Variants in TAF4B observed in about 807,000 individuals in gnomAD.
TAF4B encodes the protein TATA-box binding protein associated factor 4b.
Under a neutral mutation model 86.4 loss-of-function variants are expected in TAF4B, and 38 were observed. The observed-to-expected ratio is 0.44, with a 90% CI of 0.34 to 0.58. TAF4B has a LOEUF of 0.58. TAF4B is among the 20% of genes least tolerant of loss of function. The pLI, the probability that TAF4B is intolerant of heterozygous loss-of-function variation, is 0.02. For missense variants in TAF4B, 988 were observed against 1,027.6 expected, an observed-to-expected ratio of 0.96 and a Z score of 0.53; for synonymous variants, 388 against 391.2, an observed-to-expected ratio of 0.99 and a Z score of 0.10.
At chr18:26,243,405 T>C (rs1598716529) in intron 1 of TAF4B, among the ~76,000 whole-genome samples, 2 of 152,328 alleles carry the variant, frequency 1.3e-5, no homozygotes, top group African/African-American at 4.8e-5. Context: ...ATCACGTAGT[T>C]CTCGTGCCAT....
chr18:26,253,275 T>TA (rs1311810662), intron 1 of TAF4B, among the ~76,000 whole-genome samples: 2 of 152,238 alleles, frequency 1.3e-5, no homozygotes, highest in African/African-American at 4.8e-5. Context: ...TGGGTCTTTT[T>TA]ATCTGAAAGA....
chr18:26,378,230 T>TA, intron 14 of TAF4B, among the ~76,000 whole-genome samples: 1 of 152,310 alleles, frequency 6.6e-6, no homozygotes, highest in South Asian at 2.1e-4. Flanking sequence ...TCACTTAATT[T>TA]AGCTTACCCA....
At chr18:26,377,089 T>C (rs556076114) in intron 14 of TAF4B, among the ~76,000 whole-genome samples, 3 of 152,204 alleles carry the variant, frequency 2.0e-5, no homozygotes, top group African/African-American at 4.8e-5. Flanking sequence ...TAGTATTTCA[T>C]TGAAGAGTTT....
chr18:26,238,055 CAA>C (rs2144448008), intron 1 of TAF4B, among the ~76,000 whole-genome samples: 1 of 152,324 alleles, frequency 6.6e-6, no homozygotes, highest in South Asian at 2.1e-4. Context: ...TCCTAGACCA[CAA>C]AGAGGACCAA....
intron 13 of TAF4B, among the ~76,000 whole-genome samples, chr18:26,345,558 C>T (rs985676744): frequency 1.3e-5 from 2 of 152,226 alleles, no homozygotes; most frequent in Non-Finnish European, 2.9e-5. Context: ...AAACTCAGCC[C>T]AGGCCACTGA....
intron 14 of TAF4B, among the ~76,000 whole-genome samples, chr18:26,384,610 T>C (rs1403314896): frequency 6.6e-6 from 1 of 152,146 alleles, no homozygotes; most frequent in Non-Finnish European, 1.5e-5. Context: ...CTTGAGATAA[T>C]AGGACCTAGG....
In TAF4B at chr18:26,350,229, T is replaced by A. The variant is rs528197774; in HGVS notation, c.2317-7461T>A. On this transcript the variant is annotated intron_variant, in intron 13 of 14. Coordinates refer to ENST00000269142, the MANE Select transcript of TAF4B (RefSeq NM_005640.3). ...TGGGATTATATTAAATGAAAAACTT[T>A]TGCATAGCAAAGGAAACAATCCACA... is the stretch of plus-strand genomic sequence containing the variant. 3.3e-5 allele frequency among the ~76,000 whole-genome samples: 5 copies of A among 152,222 alleles called. No individual in the cohort carries two copies. In the East Asian group the frequency reaches 9.6e-4, roughly 29 times the overall value.
At chr18:26,271,171 T>C (rs1233523504) in intron 3 of TAF4B, among the ~76,000 whole-genome samples, 1 of 152,216 alleles carries the variant, frequency 6.6e-6, no homozygotes, top group Admixed American at 6.5e-5. Context: ...TTGTACTTGA[T>C]TGTCAGACTG....
Position 26,327,021 on chromosome 18 carries a change from G to T in TAF4B, c.2140G>T (p.Glu714Ter). The change falls in exon 12 of 15, where the codon GAA (glutamate) becomes TAA (stop). Residue 714 changes from glutamate (E) to a stop codon, truncating the protein, a stop_gained. Coordinates refer to ENST00000269142, the MANE Select transcript of TAF4B (RefSeq NM_005640.3). LOFTEE classifies it high-confidence loss of function. Reference sequence around the variant, plus strand: ...GTTTTCTTTTTTTTCCCAGGCAAGTGAAAATTACATCCTGTGTAGTGATAC... The same window carrying T: ...GTTTTCTTTTTTTTCCCAGGCAAGTTAAAATTACATCCTGTGTAGTGATAC... ...QHRMTTYKAS[E>*]NYILCSDTRS... 1 of 1,611,962 alleles carries T rather than the reference G, an allele frequency of 6.2e-7. No homozygotes were observed. The highest frequency in any genetic ancestry group is 1.1e-5 in the South Asian group (1 of 90,902).
rs771288772 is a variant in TAF4B, at chr18:26,315,232, T to C, written c.1836T>C (p.Asp612=). The C allele has an allele frequency of 1.3e-6, 2 of 1,589,122 alleles. No individual in the cohort carries two copies. The highest frequency in any genetic ancestry group is 4.5e-5 in the East Asian group (2 of 44,154). Residue 612 remains aspartate (D), a synonymous_variant, in exon 10 of 15, where the codon GAT becomes GAC. Coordinates refer to ENST00000269142, the MANE Select transcript of TAF4B (RefSeq NM_005640.3). ...AACTTTTTTTTTTTTCTATTAGAGA[T>C]GAGGATGACATCAATGATGTGACTT... ...IKENVTSCFR[D]EDDINDVTSM...
rs1191808455 is a variant in TAF4B at position 26,376,358 on chromosome 18, A to G, written c.2422-13487A>G. On this transcript the variant is annotated intron_variant, in intron 14 of 14. Transcript: ENST00000269142. ...TGATATTCCTCAGTTTCTTTCAACAATGTTTATAGTTTTCAGTGAACAAGT... is the reference window on the plus strand; with the variant it reads ...TGATATTCCTCAGTTTCTTTCAACAGTGTTTATAGTTTTCAGTGAACAAGT... Among the ~76,000 whole-genome samples, 6 of 152,070 alleles carry G rather than the reference A, an allele frequency of 3.9e-5. No homozygotes were observed. In the East Asian group the frequency reaches 5.8e-4, roughly 15 times the overall value.
At chr18:26,309,193 T>C (rs2056827731) in intron 9 of TAF4B, among the ~76,000 whole-genome samples, 1 of 149,060 alleles carries the variant, frequency 6.7e-6, no homozygotes, top group South Asian at 2.1e-4. Context: ...ACAGACATTT[T>C]CATGAAAATG....
At chr18:26,271,058 A>C (rs1033024843) in intron 3 of TAF4B, among the ~76,000 whole-genome samples, 1 of 152,234 alleles carries the variant, frequency 6.6e-6, no homozygotes, top group Admixed American at 6.5e-5. Flanking sequence ...AAATTAGTAA[A>C]GAATGAAGTT....
At chr18:26,382,136 CAGTTCTCCA>C (rs1172950720) in intron 14 of TAF4B, among the ~76,000 whole-genome samples, 1 of 152,114 alleles carries the variant, frequency 6.6e-6, no homozygotes, top group Admixed American at 6.5e-5. Flanking sequence ...CTTATATTCA[CAGTTCTCCA>C]AGGAAAAATC....
intron 14 of TAF4B, among the ~76,000 whole-genome samples, chr18:26,379,988 T>A (rs2057467462): frequency 1.3e-5 from 2 of 152,142 alleles, no homozygotes; most frequent in Non-Finnish European, 2.9e-5. Flanking sequence ...GTAAAGTTGA[T>A]TTTGACATAG....
chr18:26,346,855 A>ATGTGTGTGTG (rs1455652684), intron 13 of TAF4B, among the ~76,000 whole-genome samples: 1 of 9,800 alleles, frequency 1.0e-4, no homozygotes, highest in African/African-American at 2.5e-4. Context: ...GTATATATAT[A>ATGTGTGTGTG]TATGTGTATA....
chr18:26,277,762 A>T (rs1015732999), intron 5 of TAF4B, among the ~76,000 whole-genome samples: 1 of 152,192 alleles, frequency 6.6e-6, no homozygotes, highest in African/African-American at 2.4e-5. Context: ...TTGTAATGAC[A>T]TTCATTGTTC....
intron 9 of TAF4B, among the ~76,000 whole-genome samples, chr18:26,299,252 T>G (rs1171762104): frequency 1.3e-5 from 2 of 152,282 alleles, no homozygotes; most frequent in Admixed American, 6.5e-5. Context: ...GAAAGTATAG[T>G]CTTCCTATTG....
At chr18:26,315,159 T>TCACACACACACACACACACA (rs1415957433) in intron 9 of TAF4B, 70 bp from the exon 10 acceptor site, 5 of 301,610 alleles carry the variant, frequency 1.7e-5, no homozygotes, top group African/African-American at 6.5e-5. Flanking sequence ...TCTCTCTCTC[T>TCACACACACACACACACACA]CTCACACACA....
Sources: gnomAD v4.1 joint callset for allele counts (sites outside exome capture counted in the v4.1 genomes callset) on GRCh38, gnomAD v4.1.1 for gene constraint, MANE v1.5 for transcripts, NCBI Gene and HGNC (gene_info 2026-07-23, HGNC 2026-07-21) for gene names.